The following PLPP1 variants were observed in gnomAD, a reference collection of about 807,000 sequenced individuals.
PLPP1 encodes the protein lipid phosphate phosphohydrolase 1a.
In PLPP1, 24 loss-of-function variants were observed where a neutral mutation model predicts 31.2. The observed-to-expected ratio is 0.77, with a 90% CI of 0.56 to 1.08. The LOEUF is 1.08. Among genes scored for constraint, PLPP1 ranks in the 50% least tolerant of loss-of-function variants. The pLI is 0.00. For synonymous variants in PLPP1, 146 were observed against 126.3 expected, an observed-to-expected ratio of 1.16 and a Z score of -1.05; for missense variants, 319 against 342.7, an observed-to-expected ratio of 0.93 and a Z score of 0.55.
chr5:55,487,984 C>T (rs1250382402), intron 1 of PLPP1, among the ~76,000 whole-genome samples: 2 of 151,942 alleles, frequency 1.3e-5, no homozygotes, highest in African/African-American at 4.8e-5. Context: ...AAAAAATTAG[C>T]CGAGTGTGGT....
chr5:55,493,014 G>A (rs946811046), intron 1 of PLPP1, among the ~76,000 whole-genome samples: 2 of 152,120 alleles, frequency 1.3e-5, no homozygotes, highest in Admixed American at 6.5e-5. Flanking sequence ...TTGTGTTCAC[G>A]ATAAGAACTC....
chr5:55,426,784 TC>T (rs1751209002), intron 4 of PLPP1, among the ~76,000 whole-genome samples: 1 of 152,166 alleles, frequency 6.6e-6, no homozygotes, highest in Non-Finnish European at 1.5e-5. Flanking sequence ...TCTGGGCCTA[TC>T]TAGGGACTAT....
chr5:55,510,237 A>C lies in PLPP1; in HGVS notation c.58+24335T>G, dbSNP rs77720097. Reference sequence around the variant, plus strand: ...ATCACAGTACTTGGCATAATCAAAAACGCATTATGCTATGTGAAAGAGACT... The same window carrying C: ...ATCACAGTACTTGGCATAATCAAAACCGCATTATGCTATGTGAAAGAGACT... On this transcript the variant is annotated intron_variant, in intron 1 of 5. Transcript: ENST00000307259. Among the ~76,000 whole-genome samples the C allele has an allele frequency of 7.7e-3, 1,176 of 152,318 alleles. 11 individuals are homozygous for C. The highest frequency in any genetic ancestry group is 0.026 in the African/African-American group (1,084 of 41,560).
rs58202815 is a variant in PLPP1, at chr5:55,463,780, C to CATAAATAA, written c.491+4081_491+4088dup. The stretch of plus-strand genomic sequence containing the variant: ...TGGACAACAAAGCAAGACCCTGTCC[C>CATAAATAA]ATAAATAAATAAATAAATAAATAAA... On this transcript the variant is annotated intron_variant, in intron 3 of 5. Transcript: ENST00000307259. 7.6e-3 allele frequency among the ~76,000 whole-genome samples: 996 copies of CATAAATAA among 131,406 alleles called. 10 individuals are homozygous for CATAAATAA. The highest frequency in any genetic ancestry group is 0.018 in the African/African-American group (638 of 34,798). 86.2% of individuals were successfully genotyped at this position (131,406 alleles called of 152,430 possible). A position where few individuals can be genotyped will look rare whatever the true frequency, so the allele number is the denominator to read the frequency against.
chr5:55,495,651 G>T (rs554494356), intron 1 of PLPP1, among the ~76,000 whole-genome samples: 1 of 152,106 alleles, frequency 6.6e-6, no homozygotes, highest in East Asian at 1.9e-4. Context: ...ATTGAGCATT[G>T]TTCAATATCG....
At chr5:55,467,540 A>G (rs1400048742) in intron 3 of PLPP1, among the ~76,000 whole-genome samples, 2 of 46,518 alleles carry the variant, frequency 4.3e-5, no homozygotes, top group Non-Finnish European at 1.2e-4. Flanking sequence ...TAATATAAAA[A>G]TGTAAAAAAA....
intron 1 of PLPP1, among the ~76,000 whole-genome samples, chr5:55,485,802 T>C (rs1285988110): frequency 6.6e-6 from 1 of 152,148 alleles, no homozygotes; most frequent in Non-Finnish European, 1.5e-5. Flanking sequence ...TATGTCAATA[T>C]TATCAAAACT....
chr5:55,488,874 C>G (rs1742414316), intron 1 of PLPP1, among the ~76,000 whole-genome samples: 1 of 152,036 alleles, frequency 6.6e-6, no homozygotes. Flanking sequence ...ACTAAAAATA[C>G]AAAAATTAGC....
chr5:55,446,185 C>T (rs1278180142), intron 3 of PLPP1, among the ~76,000 whole-genome samples: 1 of 152,182 alleles, frequency 6.6e-6, no homozygotes, highest in Non-Finnish European at 1.5e-5. Flanking sequence ...TGGGCATCCT[C>T]CATCCTCGTA....
At position 55,534,782 on chromosome 5, in the gene PLPP1, G is replaced by T; in HGVS notation, c.-153C>A. ...AGGAGAGCAGCCGAGGGCGGGCTGA[G>T]ACCGGGCGGCGCTCCCACCGCCAGC... On this transcript the variant is annotated 5_prime_UTR_variant, in exon 1 of 6. Transcript: ENST00000307259. The T allele has an allele frequency of 2.6e-6, 2 of 776,652 alleles. No homozygotes were observed. Among genetic ancestry groups the T allele is most frequent in the South Asian group, 4.1e-5 (2 of 48,238 alleles). 48.1% of individuals were successfully genotyped at this position (776,652 alleles called of 1,614,324 possible).
chr5:55,523,136 A>G (rs1753708950), intron 1 of PLPP1, among the ~76,000 whole-genome samples: 1 of 152,056 alleles, frequency 6.6e-6, no homozygotes, highest in African/African-American at 2.4e-5. Context: ...CATATGGGGC[A>G]CATGGGATAT....
intron 1 of PLPP1, among the ~76,000 whole-genome samples, chr5:55,533,805 A>G (rs1010937017): frequency 2.3e-4 from 35 of 152,240 alleles, no homozygotes; most frequent in Admixed American, 1.3e-3. Flanking sequence ...AAATGATTCC[A>G]GTTCTTTCTC....
rs1740818384 is a variant in PLPP1 at position 55,534,616 on chromosome 5, G to C, written c.14C>G (p.Thr5Arg). 1.3e-6 allele frequency: 2 copies of C among 1,558,210 alleles called. No homozygotes were observed. ...ATCGAGGGCCACGTACGGCAGCCGC[G>C]TCTTGTCAAACATGGTCTCTGCCCG... The part of the protein sequence containing the change: MFDK[T>R]RLPYVALDVL... The change falls in exon 1 of 6, where the codon ACG (threonine) becomes AGG (arginine). Residue 5 changes from threonine (T) to arginine (R), a missense_variant. Transcript: ENST00000307259.
intron 4 of PLPP1, among the ~76,000 whole-genome samples, chr5:55,429,802 G>A (rs1480725069): frequency 6.6e-6 from 1 of 152,054 alleles, no homozygotes; most frequent in East Asian, 1.9e-4. Flanking sequence ...GAGCCACTGT[G>A]CATTGTCAAG....
chr5:55,459,925 C>T (rs1334875920), intron 3 of PLPP1, among the ~76,000 whole-genome samples: 1 of 152,202 alleles, frequency 6.6e-6, no homozygotes. Context: ...TTTCCACTTA[C>T]TGAATAGCAG....
At chr5:55,465,645 GT>G (rs1454709274) in intron 3 of PLPP1, among the ~76,000 whole-genome samples, 2 of 152,186 alleles carry the variant, frequency 1.3e-5, no homozygotes, top group African/African-American at 4.8e-5. Flanking sequence ...TGGGCCACAG[GT>G]TGGATAAGCT....
intron 4 of PLPP1, among the ~76,000 whole-genome samples, chr5:55,438,252 G>T (rs1474895634): frequency 6.6e-6 from 1 of 152,166 alleles, no homozygotes; most frequent in Non-Finnish European, 1.5e-5. Flanking sequence ...AGTTCACGGG[G>T]AGTCACTAAG....
intron 1 of PLPP1, among the ~76,000 whole-genome samples, chr5:55,519,158 ATAAAG>A (rs1753612159): frequency 6.6e-6 from 1 of 152,206 alleles, no homozygotes; most frequent in Non-Finnish European, 1.5e-5. Context: ...ACTGTGGGAC[ATAAAG>A]TAAATTTTAA....
intron 2 of PLPP1, among the ~76,000 whole-genome samples, chr5:55,470,306 C>A (rs1180438723): frequency 6.6e-6 from 1 of 152,238 alleles, no homozygotes; most frequent in Non-Finnish European, 1.5e-5. Context: ...TAATCAACCA[C>A]AGTTTCAGCA....
Sources: allele counts gnomAD v4.1 joint callset (sites outside exome capture counted in the v4.1 genomes callset), GRCh38; gene constraint gnomAD v4.1.1; transcripts MANE v1.5; gene names NCBI Gene and HGNC (gene_info 2026-07-23, HGNC 2026-07-21).